The following STOML2 variants were observed in gnomAD, a reference collection of about 807,000 sequenced individuals.
The protein encoded by STOML2 is stomatin like 2, also known as stomatin-like protein 2, mitochondrial.
STOML2 carries 22 observed loss-of-function variants against 45.7 expected under a neutral mutation model. That is an observed-to-expected ratio of 0.48 (90% CI 0.34 to 0.69). The LOEUF (loss-of-function observed/expected upper bound fraction) is 0.69. Ranked by LOEUF, STOML2 falls within the 30% of genes least tolerant of loss-of-function variation. The probability of loss-of-function intolerance (pLI) is 0.01; values close to 1 mark genes in which losing one functional copy is unlikely to be tolerated. For synonymous variants in STOML2, 181 were observed against 182.7 expected, an observed-to-expected ratio of 0.99 and a Z score of 0.08; for missense variants, 359 against 466.9, an observed-to-expected ratio of 0.77 and a Z score of 2.13.
Position 35,102,634 on chromosome 9 carries a change from G to A in STOML2, c.183+52C>T. The A allele has an allele frequency of 1.2e-6, 2 of 1,602,834 alleles. No homozygotes were observed. Among genetic ancestry groups the A allele is most frequent in the South Asian group, 2.2e-5 (2 of 90,024 alleles). On this transcript the variant is annotated intron_variant, in intron 2 of 9. Coordinates refer to ENST00000356493, the MANE Select transcript of STOML2 (RefSeq NM_013442.3). The surrounding 1 kb of genome is among the most constrained non-coding windows in gnomAD (Gnocchi z 4.8). ...GGAAGTCCTCCCGACATTGCATGTC[G>A]TGAGGGATTGGTCATCTGGCTGGCC...
In STOML2 at chr9:35,101,625, C is replaced by T; in HGVS notation, c.445-65G>A. The T allele has an allele frequency of 6.2e-7, 1 of 1,613,856 alleles. No homozygotes were observed. The highest frequency in any genetic ancestry group is 8.5e-7 in the Non-Finnish European group (1 of 1,179,932). On this transcript the variant is annotated intron_variant, in intron 5 of 9. Coordinates refer to ENST00000356493, the MANE Select transcript of STOML2 (RefSeq NM_013442.3). This position sits in a 1 kb window ranked among gnomAD's most constrained non-coding sequence, Gnocchi z 4.3. ...TATCAAGGGCCTACACTGAGAAGGG[C>T]CTGGGACTGATCTTGACCTTCAGAA... is the stretch of plus-strand genomic sequence containing the variant.
intron 9 of STOML2, 57 bp from the exon 10 acceptor site, chr9:35,100,229 C>G: frequency 1.9e-5 from 30 of 1,593,540 alleles, no homozygotes; most frequent in Non-Finnish European, 2.6e-5. Flanking sequence ...TGCAGCCCAG[C>G]CTACCAATGG....
At chr9:35,103,145 G>C (rs1411343198), upstream of STOML2, 1 of 1,603,826 alleles carries the variant, frequency 6.2e-7, no homozygotes, top group African/African-American at 1.3e-5. Flanking sequence ...CGGAGCGGTC[G>C]CTCCCAGAAG....
chr9:35,101,548 G>A lies in STOML2; in HGVS notation c.457C>T (p.Leu153=), dbSNP rs769714036. 8.7e-6 allele frequency: 14 copies of A among 1,614,056 alleles called. No homozygotes were observed. Among genetic ancestry groups the A allele is most frequent in the Non-Finnish European group, 9.3e-6 (11 of 1,180,030 alleles). ...LDKVFRERES[L]NASIVDAINQ... Reference sequence around the variant, plus strand: ...ATGGCATCCACAATGCTGGCATTCAGGGACTCCCGTTCCTGGAAAAAGAGG... The same window carrying A: ...ATGGCATCCACAATGCTGGCATTCAAGGACTCCCGTTCCTGGAAAAAGAGG... The change falls in exon 6 of 10, where the codon CTG becomes TTG. Residue 153 remains leucine (L), a synonymous_variant. Transcript: ENST00000356493. The surrounding 1 kb of genome is among the most constrained non-coding windows in gnomAD (Gnocchi z 4.3).
Position 35,102,731 on chromosome 9 carries a change from G to C in STOML2, c.138C>G (p.Ala46=), listed in dbSNP as rs1829849722. ...ATCGGCCCATTCGCTCCACCACCCA[G>C]GCCTCCTGCTGCGGCACGAACAGTA... The part of the protein sequence containing the change: ...TVVLFVPQQE[A]WVVERMGRFH... Residue 46 remains alanine (A), a synonymous_variant, in exon 2 of 10, where the codon GCC becomes GCG. Coordinates refer to ENST00000356493, the MANE Select transcript of STOML2 (RefSeq NM_013442.3). The surrounding 1 kb of genome is among the most constrained non-coding windows in gnomAD (Gnocchi z 4.8). The C allele has an allele frequency of 1.2e-6, 2 of 1,613,498 alleles. No individual in the cohort carries two copies. The highest frequency in any genetic ancestry group is 1.7e-6 in the Non-Finnish European group (2 of 1,180,024).
chr9:35,100,634 G>C lies in STOML2; in HGVS notation c.897C>G (p.Pro299=). 6.2e-7 allele frequency: 1 copy of C among 1,614,114 alleles called. No homozygotes were observed. The highest frequency in any genetic ancestry group is 1.7e-5 in the Admixed American group (1 of 60,020). ...LAKDSNTILL[P]SNPGDVTSMV... is the part of the protein sequence containing the mutation. ...TGCTGGTGACATCGCCAGGGTTGGA[G>C]GGCAGTAGGATAGTGTTGGAGTCCT... Residue 299 remains proline (P), a synonymous_variant, in exon 9 of 10, where the codon CCC becomes CCG. Transcript: ENST00000356493.
Position 35,103,064 on chromosome 9 carries a change from C to T in STOML2, c.31G>A (p.Ala11Thr). The change falls in exon 1 of 10, where the codon GCC becomes ACC. Residue 11 changes from alanine (A) to threonine (T), a missense_variant. Around this residue, in one of 2 missense-constraint regions of STOML2, gnomAD observed 74 missense variants for 45.0 expected, o/e 1.65. Coordinates refer to ENST00000356493, the MANE Select transcript of STOML2 (RefSeq NM_013442.3). MLARAARGTG[A>T]LLLRGSLLAS... ...CTCGCTCTCACCCTCAGCAAAAGGG[C>T]CCCAGTGCCCCGCGCCGCGCGCGCC... The T allele has an allele frequency of 6.2e-7, 1 of 1,614,044 alleles. No individual in the cohort carries two copies. The highest frequency in any genetic ancestry group is 1.7e-5 in the Admixed American group (1 of 60,024).
Position 35,100,584 on chromosome 9 carries a change from C to CA in STOML2, c.933+13dup. 1.2e-6 allele frequency: 2 copies of CA among 1,613,270 alleles called. No homozygotes were observed. The highest frequency in any genetic ancestry group is 1.7e-6 in the Non-Finnish European group (2 of 1,179,940). On this transcript the variant is annotated intron_variant, in intron 9 of 9. Transcript: ENST00000356493. ...GCACCAGTGCTCTATGCTGGGTCCT[C>CA]AGAGAGCTCTAACCTGAGCCACCAT... is the stretch of plus-strand genomic sequence containing the variant.
rs963940463 is a variant in STOML2 at position 35,099,881 on chromosome 9, A to G, written c.*154T>C. On this transcript the variant is annotated 3_prime_UTR_variant, in exon 10 of 10. Coordinates refer to ENST00000356493, the MANE Select transcript of STOML2 (RefSeq NM_013442.3). ...CTTTCCCAACTTCATTCCCCAATCA[A>G]AGAGGACAGTTTCTGGTTTGCCACT... The G allele has an allele frequency of 5.8e-6, 5 of 858,480 alleles. No individual in the cohort carries two copies. The African/African-American group carries it at 8.4e-5, about 14-fold the overall frequency. The allele number at this position is 858,480 out of a possible 1,614,324, so 53.2% of individuals were successfully genotyped here.
At position 35,101,030 on chromosome 9, in the gene STOML2, A is replaced by G; in HGVS notation, c.725-19T>C. 1 of 1,613,338 alleles carries G rather than the reference A, an allele frequency of 6.2e-7. No individual in the cohort carries two copies. Among genetic ancestry groups the G allele is most frequent in the Non-Finnish European group, 8.5e-7 (1 of 1,179,400 alleles). Reference sequence around the variant, plus strand: ...GCCTCTCCTGCAAGAGAAGGGACAGAGCTTGCTTGACCCATGAAGTCAAAG... The same window carrying G: ...GCCTCTCCTGCAAGAGAAGGGACAGGGCTTGCTTGACCCATGAAGTCAAAG... On this transcript the variant is annotated intron_variant, in intron 7 of 9. Coordinates refer to ENST00000356493, the MANE Select transcript of STOML2 (RefSeq NM_013442.3). The surrounding 1 kb of genome is among the most constrained non-coding windows in gnomAD (Gnocchi z 4.3).
At position 35,100,309 on chromosome 9, in the gene STOML2, G is replaced by T. The variant is rs149429470; in HGVS notation, c.934-137C>A. On this transcript the variant is annotated intron_variant, in intron 9 of 9. Transcript: ENST00000356493. The stretch of plus-strand genomic sequence containing the variant: ...TTTCTCCCTCTCTCAAACCTGTCTT[G>T]TAAGCTCTGGAGTTGATTTTAGGAA... The T allele has an allele frequency of 1.6e-4, 189 of 1,176,690 alleles. No homozygotes were observed. In the East Asian group the frequency reaches 4.5e-3, roughly 28 times the overall value. 72.9% of individuals were successfully genotyped at this position (1,176,690 alleles called of 1,614,324 possible). A position where few individuals can be genotyped will look rare whatever the true frequency, so the allele number is the denominator to read the frequency against.
At position 35,102,072 on chromosome 9, in the gene STOML2, C is replaced by A; in HGVS notation, c.283+23G>T. On this transcript the variant is annotated intron_variant, in intron 3 of 9. Coordinates refer to ENST00000356493, the MANE Select transcript of STOML2 (RefSeq NM_013442.3). The surrounding 1 kb of genome is among the most constrained non-coding windows in gnomAD (Gnocchi z 4.8). Reference sequence around the variant, plus strand: ...CCACATCCTAATAGCCTCAGAGCACCCATGTCACCCTGAACCCCTCACCGA... The same window carrying A: ...CCACATCCTAATAGCCTCAGAGCACACATGTCACCCTGAACCCCTCACCGA... 6.2e-7 allele frequency: 1 copy of A among 1,613,524 alleles called. No individual in the cohort carries two copies. Among genetic ancestry groups the A allele is most frequent in the Non-Finnish European group, 8.5e-7 (1 of 1,179,540 alleles).
rs1023153840 is a variant in STOML2 at position 35,100,531 on chromosome 9, C to T, written c.933+67G>A. ...CTTTATGGTATGTAAGTGTTGATGA[C>T]GGTGGTGGGGTCTCAGTTTGGTCCC... On this transcript the variant is annotated intron_variant, in intron 9 of 9. Transcript: ENST00000356493. 231 of 1,602,318 alleles carry T rather than the reference C, an allele frequency of 1.4e-4. No individual in the cohort carries two copies. The African/African-American group carries it at 2.0e-3, about 14-fold the overall frequency.
At position 35,102,297 on chromosome 9, in the gene STOML2, G is replaced by C; in HGVS notation, c.184-103C>G. On this transcript the variant is annotated intron_variant, in intron 2 of 9. Coordinates refer to ENST00000356493, the MANE Select transcript of STOML2 (RefSeq NM_013442.3). The surrounding 1 kb of genome is among the most constrained non-coding windows in gnomAD (Gnocchi z 4.8). ...GGAGTCAACACATGGAACATGCCCA[G>C]AAAAGCAGCAGCTCCTACCAAGAAA... is the stretch of plus-strand genomic sequence containing the variant. The C allele has an allele frequency of 5.2e-6, 5 of 970,786 alleles. No homozygotes were observed. The highest frequency in any genetic ancestry group is 7.8e-6 in the Non-Finnish European group (5 of 643,552). The allele number at this position is 970,786 out of a possible 1,614,324, so 60.1% of individuals were successfully genotyped here. A position where few individuals can be genotyped will look rare whatever the true frequency, so the allele number is the denominator to read the frequency against.
rs1829812740 is a variant in STOML2 at position 35,101,357 on chromosome 9, AG to A, written c.579+68del. On this transcript the variant is annotated intron_variant, in intron 6 of 9. Transcript: ENST00000356493. This position sits in a 1 kb window ranked among gnomAD's most constrained non-coding sequence, Gnocchi z 4.3. ...ATGCAACTCTACCCATCATAACAGG[AG>A]GGAAGTCTGGATCCTCCTGGTACTG... is the stretch of plus-strand genomic sequence containing the variant. The A allele has an allele frequency of 1.2e-6, 2 of 1,610,154 alleles. No homozygotes were observed. The highest frequency in any genetic ancestry group is 1.7e-4 in the Middle Eastern group (1 of 6,060).
rs139221530 is a variant in STOML2 at position 35,102,108 on chromosome 9, C to T, written c.270G>A (p.Ser90=). The T allele has an allele frequency of 3.3e-5, 53 of 1,613,884 alleles. No individual in the cohort carries two copies. The highest frequency in any genetic ancestry group is 4.2e-5 in the Non-Finnish European group (50 of 1,179,994). The change falls in exon 3 of 10, where the codon TCG becomes TCA. Residue 90 remains serine, a synonymous_variant. Transcript: ENST00000356493. This position sits in a 1 kb window ranked among gnomAD's most constrained non-coding sequence, Gnocchi z 4.8. ...TGAACCCCTCACCGAGAGTCACAGC[C>T]GACTGCTCAGGCACGTTGATGACAA... ...KEIVINVPEQ[S]AVTLDNVTLQ...
chr9:35,101,446 T>TC lies in STOML2; in HGVS notation c.558dup (p.Lys187GlufsTer22). 1 of 1,614,132 alleles carries TC rather than the reference T, an allele frequency of 6.2e-7. No homozygotes were observed. The highest frequency in any genetic ancestry group is 8.5e-7 in the Non-Finnish European group (1 of 1,180,014). ...CCCACCTGCATCTGCATAGACTCTTTCACCCGGGGTGGCACATGGATATCC... is the reference window on the plus strand; with the variant it reads ...CCCACCTGCATCTGCATAGACTCTTTCCACCCGGGGTGGCACATGGATATCC... On this transcript the variant is annotated frameshift_variant, in exon 6 of 10. Transcript: ENST00000356493. LOFTEE classifies it high-confidence loss of function. The surrounding 1 kb of genome is among the most constrained non-coding windows in gnomAD (Gnocchi z 4.3).
Position 35,099,826 on chromosome 9 carries a change from C to T in STOML2, c.*209G>A, listed in dbSNP as rs1344719843. The T allele has an allele frequency of 1.8e-6, 1 of 551,252 alleles. No individual in the cohort carries two copies. Among genetic ancestry groups the T allele is most frequent in the Non-Finnish European group, 3.2e-6 (1 of 310,024 alleles). 34.1% of individuals were successfully genotyped at this position (551,252 alleles called of 1,614,324 possible). On this transcript the variant is annotated 3_prime_UTR_variant, in exon 10 of 10. Transcript: ENST00000356493. ...CTTATTCATGGAGGCATCATGCTGA[C>T]AGGACTGGATCCAAGGAAAATGCTA...
At position 35,102,261 on chromosome 9, in the gene STOML2, G is replaced by A. The variant is rs1274626918; in HGVS notation, c.184-67C>T. The A allele has an allele frequency of 2.2e-6, 3 of 1,351,730 alleles. No homozygotes were observed. The highest frequency in any genetic ancestry group is 3.1e-6 in the Non-Finnish European group (3 of 954,746). 83.7% of individuals were successfully genotyped at this position (1,351,730 alleles called of 1,614,324 possible). A position where few individuals can be genotyped will look rare whatever the true frequency, so the allele number is the denominator to read the frequency against. Reference sequence around the variant, plus strand: ...TTGGGTTGGGACCTAAGCTAGTCCTGGAGTATGTAGGGAGTCAACACATGG... The same window carrying A: ...TTGGGTTGGGACCTAAGCTAGTCCTAGAGTATGTAGGGAGTCAACACATGG... On this transcript the variant is annotated intron_variant, in intron 2 of 9. Transcript: ENST00000356493. The surrounding 1 kb of genome is among the most constrained non-coding windows in gnomAD (Gnocchi z 4.8).
Sources: allele counts gnomAD v4.1 joint callset, GRCh38; gene constraint gnomAD v4.1.1; regional missense constraint gnomAD v4.1.1; non-coding constraint Gnocchi (gnomAD v3.1); transcripts MANE v1.5; gene names NCBI Gene and HGNC (gene_info 2026-07-23, HGNC 2026-07-21).